The following SNAP91 variants were observed in gnomAD, a reference collection of about 807,000 sequenced individuals.
SNAP91 encodes the protein clathrin coat assembly protein AP180.
Under a neutral mutation model 100.3 loss-of-function variants are expected in SNAP91, and 27 were observed. That is an observed-to-expected ratio of 0.27 (90% CI 0.20 to 0.37). SNAP91 has a LOEUF of 0.37. Among genes scored for constraint, SNAP91 ranks in the 10% least tolerant of loss-of-function variants. The pLI, the probability that SNAP91 is intolerant of heterozygous loss-of-function variation, is 1.00. For missense variants in SNAP91, 986 were observed against 1,123.7 expected, an observed-to-expected ratio of 0.88 and a Z score of 1.75; for synonymous variants, 404 against 398.6, an observed-to-expected ratio of 1.01 and a Z score of -0.16.
intron 8 of SNAP91, among the ~76,000 whole-genome samples, chr6:83,632,215 C>A (rs2097236219): frequency 6.6e-6 from 1 of 152,058 alleles, no homozygotes; most frequent in Non-Finnish European, 1.5e-5. Context: ...GCTGAGAAAT[C>A]TGCTGCTAAT....
At chr6:83,623,893 C>T (rs1469587480) in intron 8 of SNAP91, among the ~76,000 whole-genome samples, 2 of 151,986 alleles carry the variant, frequency 1.3e-5, no homozygotes, top group Non-Finnish European at 2.9e-5. Flanking sequence ...ATATAATGAA[C>T]TTATGTTTCA....
chr6:83,643,609 T>C (rs1040258078), intron 7 of SNAP91, among the ~76,000 whole-genome samples: 3 of 152,190 alleles, frequency 2.0e-5, no homozygotes, highest in African/African-American at 7.2e-5. Flanking sequence ...TAATATTGTC[T>C]CATACTTGAG....
At chr6:83,696,072 G>A (rs1192405862) in intron 2 of SNAP91, among the ~76,000 whole-genome samples, 2 of 152,000 alleles carry the variant, frequency 1.3e-5, no homozygotes, top group African/African-American at 4.8e-5. Context: ...GCTCACTCAA[G>A]GGTAGCCAAA....
chr6:83,617,159 A>T, intron 9 of SNAP91, 120 bp from the exon 10 acceptor site: 1 of 533,518 alleles, frequency 1.9e-6, no homozygotes, highest in East Asian at 3.2e-5. Flanking sequence ...TATGTGAGAT[A>T]ATTTAATTGC....
chr6:83,564,741 T>A (rs2127940188), intron 26 of SNAP91, among the ~76,000 whole-genome samples: 1 of 152,088 alleles, frequency 6.6e-6, no homozygotes, highest in Non-Finnish European at 1.5e-5. Context: ...ACCCCTATCA[T>A]ATTAAAAAAC....
intron 8 of SNAP91, among the ~76,000 whole-genome samples, chr6:83,624,574 G>C (rs1392945798): frequency 3.9e-5 from 6 of 152,190 alleles, no homozygotes; most frequent in African/African-American, 1.4e-4. Flanking sequence ...GTCTAGAGCA[G>C]GGTTTCTCAG....
chr6:83,567,329 G>A (rs1414769558), intron 26 of SNAP91, among the ~76,000 whole-genome samples: 2 of 152,096 alleles, frequency 1.3e-5, no homozygotes, highest in Non-Finnish European at 2.9e-5. Context: ...CCACTTGTTC[G>A]ATAAAAACTT....
chr6:83,651,745 T>G (rs1353544647), intron 7 of SNAP91, among the ~76,000 whole-genome samples: 1 of 152,166 alleles, frequency 6.6e-6, no homozygotes, highest in Non-Finnish European at 1.5e-5. Flanking sequence ...TATATAGATA[T>G]ATGTCCATTA....
intron 16 of SNAP91, among the ~76,000 whole-genome samples, chr6:83,597,878 A>G (rs759229859): frequency 3.3e-5 from 5 of 152,208 alleles, no homozygotes; most frequent in Non-Finnish European, 5.9e-5. Context: ...AAAGTGTTTA[A>G]TTATTGGTTT....
intron 10 of SNAP91, among the ~76,000 whole-genome samples, chr6:83,616,426 TCTAGTAAAACTGTA>T (rs2096487909): frequency 6.6e-6 from 1 of 152,060 alleles, no homozygotes. Flanking sequence ...GGTATGAAAA[TCTAGTAAAACTGTA>T]CTTATCATTG....
intron 8 of SNAP91, among the ~76,000 whole-genome samples, chr6:83,629,595 G>A (rs1212281983): frequency 6.6e-6 from 1 of 151,886 alleles, no homozygotes; most frequent in African/African-American, 2.4e-5. Context: ...ATATTCCTAA[G>A]TATTTTATTT....
intron 26 of SNAP91, among the ~76,000 whole-genome samples, chr6:83,570,551 G>GC: frequency 1.4e-5 from 2 of 139,410 alleles, no homozygotes; most frequent in African/African-American, 5.6e-5. Flanking sequence ...AGGTTTACGG[G>GC]GTGGCGGGGG....
chr6:83,661,609 G>A lies in SNAP91; in HGVS notation c.350-5C>T. The A allele has an allele frequency of 6.6e-7, 1 of 1,509,710 alleles. No homozygotes were observed. The highest frequency in any genetic ancestry group is 9.1e-7 in the Non-Finnish European group (1 of 1,102,634). The allele number at this position is 1,509,710 out of a possible 1,614,324, so 93.5% of individuals were successfully genotyped here. A position where few individuals can be genotyped will look rare whatever the true frequency, so the allele number is the denominator to read the frequency against. On this transcript the variant is annotated splice_polypyrimidine_tract_variant and splice_region_variant and intron_variant, in intron 4 of 29. Transcript: ENST00000369694. ...TGAAGGTAGACATATCATAACCTGGGAGAGTGGAAAGAAGAAATAAAACTA... is the reference window on the plus strand; with the variant it reads ...TGAAGGTAGACATATCATAACCTGGAAGAGTGGAAAGAAGAAATAAAACTA...
At chr6:83,614,391 T>G (rs1461814174) in intron 11 of SNAP91, among the ~76,000 whole-genome samples, 1 of 152,192 alleles carries the variant, frequency 6.6e-6, no homozygotes, top group Non-Finnish European at 1.5e-5. Context: ...ATACATATTC[T>G]TCATAGCAGA....
chr6:83,571,018 C>T (rs921865905), intron 26 of SNAP91, among the ~76,000 whole-genome samples: 2 of 152,116 alleles, frequency 1.3e-5, no homozygotes, highest in Admixed American at 6.5e-5. Flanking sequence ...GCCACAGACA[C>T]TCAACACCAG....
Position 83,662,354 on chromosome 6 carries a change from T to G in SNAP91, c.342A>C (p.Gly114=). 4 of 1,413,930 alleles carry G rather than the reference T, an allele frequency of 2.8e-6. No homozygotes were observed. The highest frequency in any genetic ancestry group is 3.8e-6 in the Non-Finnish European group (4 of 1,060,680). 87.6% of individuals were successfully genotyped at this position (1,413,930 alleles called of 1,614,324 possible). A position where few individuals can be genotyped will look rare whatever the true frequency, so the allele number is the denominator to read the frequency against. ...AAATACAAATATTCTCACCATGGGA[T>G]CCACTTTTGTCCAAAAAATTGCTGA... ...FNLSNFLDKS[G]SHGYDMSTFI... The change falls in exon 4 of 30, where the codon GGA becomes GGC. Residue 114 remains glycine (G), a synonymous_variant. Transcript: ENST00000369694.
chr6:83,687,358 A>G (rs2099074095), intron 2 of SNAP91, among the ~76,000 whole-genome samples: 1 of 152,212 alleles, frequency 6.6e-6, no homozygotes, highest in Non-Finnish European at 1.5e-5. Context: ...TACATGGGCC[A>G]TATGTTTGTG....
chr6:83,607,734 A>G lies in SNAP91; in HGVS notation c.987T>C (p.Asp329=), dbSNP rs2095724253. 1 of 1,593,310 alleles carries G rather than the reference A, an allele frequency of 6.3e-7. No individual in the cohort carries two copies. Among genetic ancestry groups the G allele is most frequent in the South Asian group, 1.1e-5 (1 of 87,056 alleles). The change falls in exon 13 of 30, where the codon GAT becomes GAC. Residue 329 remains aspartate (D), a synonymous_variant. Coordinates refer to ENST00000369694, the MANE Select transcript of SNAP91 (RefSeq NM_001242792.2). ...CAGCCGCAGATGCAGTTGCAAATAA[A>G]TCAACCGGTGGGGATGTGTCAATAG... is the stretch of plus-strand genomic sequence containing the variant. ...AKTIDTSPPV[D]LFATASAAVP...
chr6:83,676,828 G>T (rs1301204489), intron 2 of SNAP91, among the ~76,000 whole-genome samples: 1 of 152,152 alleles, frequency 6.6e-6, no homozygotes, highest in Non-Finnish European at 1.5e-5. Flanking sequence ...TATTTTAATA[G>T]TTCAGGTGAG....
Sources: allele counts gnomAD v4.1 joint callset (sites outside exome capture counted in the v4.1 genomes callset), GRCh38; gene constraint gnomAD v4.1.1; transcripts MANE v1.5; gene names NCBI Gene and HGNC (gene_info 2026-07-23, HGNC 2026-07-21).